Variants in EML1 observed in about 807,000 individuals in gnomAD.
The protein encoded by EML1 is EMAP like 1, also known as echinoderm microtubule-associated protein-like 1.
Under a neutral mutation model 110.4 loss-of-function variants are expected in EML1, and 27 were observed. The ratio of observed to expected loss-of-function variants is 0.24; its 90% CI spans 0.18 to 0.34. The LOEUF is 0.34. EML1 is among the 10% of genes least tolerant of loss of function. EML1 has a pLI of 1.00. For synonymous variants in EML1, 344 were observed against 385.8 expected, an observed-to-expected ratio of 0.89 and a Z score of 1.27; for missense variants, 741 against 1,030.9, an observed-to-expected ratio of 0.72 and a Z score of 3.85.
intron 1 of EML1, among the ~76,000 whole-genome samples, chr14:99,777,770 C>G (rs907121529): frequency 6.6e-6 from 1 of 152,128 alleles, no homozygotes; most frequent in East Asian, 1.9e-4. Context: ...CCTGACTGTC[C>G]AAGTCCAAGC....
At chr14:99,739,065 AGTGT>A (rs35246718) in intron 1 of EML1, among the ~76,000 whole-genome samples, 11 of 139,018 alleles carry the variant, frequency 7.9e-5, no homozygotes, top group African/African-American at 2.6e-4. Context: ...AGAGTGTGAG[AGTGT>A]GTGTGTGTGT....
At chr14:99,823,110 G>A (rs1003512670) in intron 1 of EML1, among the ~76,000 whole-genome samples, 4 of 152,202 alleles carry the variant, frequency 2.6e-5, no homozygotes, top group Admixed American at 6.5e-5. Flanking sequence ...TTTGAGATGC[G>A]TGATCCTGCC....
intron 1 of EML1, among the ~76,000 whole-genome samples, chr14:99,843,947 A>G (rs150308203): frequency 0.011 from 1,663 of 152,282 alleles, 34 homozygotes; most frequent in African/African-American, 0.038. Flanking sequence ...TATCTTCCCC[A>G]CTTCTCTCTC....
At chr14:99,741,322 AT>A (rs2057039583) in intron 1 of EML1, among the ~76,000 whole-genome samples, 3 of 152,208 alleles carry the variant, frequency 2.0e-5, no homozygotes, top group Middle Eastern at 3.4e-3. Flanking sequence ...GTGTTGAGAC[AT>A]GGCTGCCCTT....
chr14:99,739,701 C>T (rs111553406), intron 1 of EML1, among the ~76,000 whole-genome samples: 15 of 152,270 alleles, frequency 9.9e-5, no homozygotes, highest in East Asian at 1.9e-4. Context: ...GGAGTAAAGG[C>T]GGCATCTTGG....
At chr14:99,886,168 T>C (rs2139966108) in intron 4 of EML1, 1 of 236,918 alleles carries the variant, frequency 4.2e-6, no homozygotes, top group East Asian at 1.3e-4. Flanking sequence ...CTTTATTTCA[T>C]CACGTGAAGT....
chr14:99,742,245 G>A lies in EML1; in HGVS notation c.28+4385G>A, dbSNP rs540220141. Among the ~76,000 whole-genome samples the A allele has an allele frequency of 1.3e-3, 195 of 152,336 alleles. No individual in the cohort carries two copies. The Middle Eastern group carries it at 0.02, about 16-fold the overall frequency. On this transcript the variant is annotated intron_variant, in intron 1 of 10. Transcript: ENST00000554479. ...TGGTGGCAGGGCATGAGTCCCTGAG[G>A]AGCAAGAGGTGGTTTTATGTGACGT... is the stretch of plus-strand genomic sequence containing the variant.
intron 1 of EML1, among the ~76,000 whole-genome samples, chr14:99,834,575 AAGTG>A (rs1211850028): frequency 6.6e-6 from 1 of 152,110 alleles, no homozygotes; most frequent in Non-Finnish European, 1.5e-5. Context: ...CTGGGATTAC[AAGTG>A]TGAGGTACTG....
Position 99,781,371 on chromosome 14 carries a change from G to A in EML1, c.-27+7358G>A, listed in dbSNP as rs137887896. Among the ~76,000 whole-genome samples the A allele has an allele frequency of 1.5e-3, 222 of 152,110 alleles. No individual in the cohort carries two copies. Among genetic ancestry groups the A allele is most frequent in the African/African-American group, 5.0e-3 (209 of 41,470 alleles). ...GCTGTATGGCATCCTCACTGCCAAG[G>A]CCATGCCCTCCCCCTGCACTCACTT... On this transcript the variant is annotated intron_variant, in intron 1 of 22. Coordinates refer to the EML1 transcript ENST00000327921. This position sits in a 1 kb window ranked among gnomAD's most constrained non-coding sequence, Gnocchi z 4.2.
intron 8 of EML1, among the ~76,000 whole-genome samples, chr14:99,900,035 C>T (rs1283704349): frequency 6.6e-6 from 1 of 152,014 alleles, no homozygotes. Context: ...CTACTGATTG[C>T]TCTATGATGT....
intron 3 of EML1, among the ~76,000 whole-genome samples, chr14:99,866,991 G>T (rs2059113623): frequency 6.6e-6 from 1 of 152,174 alleles, no homozygotes; most frequent in Non-Finnish European, 1.5e-5. Flanking sequence ...GGGTATATTT[G>T]TGATACTGAG....
chr14:99,851,456 C>T (rs566732939), intron 2 of EML1, among the ~76,000 whole-genome samples: 129 of 152,212 alleles, frequency 8.5e-4, no homozygotes, highest in African/African-American at 2.8e-3. Flanking sequence ...TACAGGCGCC[C>T]GCCACCACGC....
intron 1 of EML1, among the ~76,000 whole-genome samples, chr14:99,801,431 C>T (rs934786189): frequency 7.9e-5 from 12 of 151,964 alleles, no homozygotes; most frequent in African/African-American, 2.7e-4. Context: ...CTGGCTAACA[C>T]GGTGAAACCC....
In EML1 at chr14:99,936,348, C is replaced by T. The variant is rs376158031; in HGVS notation, c.2095+14C>T. 131 of 1,610,502 alleles carry T rather than the reference C, an allele frequency of 8.1e-5. No homozygotes were observed. The highest frequency in any genetic ancestry group is 3.7e-4 in the African/African-American group (28 of 74,794). On this transcript the variant is annotated intron_variant, in intron 19 of 21. Coordinates refer to ENST00000262233, the MANE Select transcript of EML1 (RefSeq NM_004434.3). The surrounding 1 kb of genome is among the most constrained non-coding windows in gnomAD (Gnocchi z 5.5). The stretch of plus-strand genomic sequence containing the variant: ...AAATCCTCTACTGTGAGTACCACCC[C>T]GGGGTTGTATGAAGTCTCGATCTCA...
chr14:99,805,826 T>C (rs1049486927), intron 1 of EML1, among the ~76,000 whole-genome samples: 3 of 152,022 alleles, frequency 2.0e-5, no homozygotes, highest in Non-Finnish European at 4.4e-5. Context: ...AAAATACATA[T>C]AAAATTTAGC....
At chr14:99,844,476 CAAAAAAA>C (rs71113228) in intron 1 of EML1, among the ~76,000 whole-genome samples, 2 of 136,446 alleles carry the variant, frequency 1.5e-5, no homozygotes, top group Admixed American at 7.5e-5. Flanking sequence ...GAGACTTTGT[CAAAAAAA>C]AAAAAAAAAA....
At chr14:99,917,184 G>A (rs59996884) in intron 15 of EML1, among the ~76,000 whole-genome samples, 20 of 152,160 alleles carry the variant, frequency 1.3e-4, no homozygotes, top group Non-Finnish European at 2.5e-4. Flanking sequence ...GGTTCTATAA[G>A]CTGTGACTTT....
chr14:99,766,256 G>A lies in EML1; in HGVS notation c.28+28396G>A, dbSNP rs542990505. Among the ~76,000 whole-genome samples the A allele has an allele frequency of 2.0e-5, 3 of 148,334 alleles. No individual in the cohort carries two copies. In the South Asian group the frequency reaches 6.5e-4, roughly 32 times the overall value. On this transcript the variant is annotated intron_variant, in intron 1 of 10. Coordinates refer to the EML1 transcript ENST00000554479. ...GTTGCCCAGGCTGGAGTGCAGTGGT[G>A]TGATCTTGGCTCACTGCAACCTCTG...
chr14:99,807,941 A>G (rs780029897), intron 1 of EML1, among the ~76,000 whole-genome samples: 4 of 152,166 alleles, frequency 2.6e-5, no homozygotes, highest in Non-Finnish European at 2.9e-5. Context: ...CTGTGTGCCA[A>G]GAGTTTCCAG....
Sources: allele counts gnomAD v4.1 joint callset (sites outside exome capture counted in the v4.1 genomes callset), GRCh38; gene constraint gnomAD v4.1.1; non-coding constraint Gnocchi (gnomAD v3.1); transcripts MANE v1.5; gene names NCBI Gene and HGNC (gene_info 2026-07-23, HGNC 2026-07-21).